The following STYK1 variants were observed in gnomAD, a reference collection of about 807,000 sequenced individuals.
The protein encoded by STYK1 is tyrosine-protein kinase STYK1.
Under a neutral mutation model 48.1 loss-of-function variants are expected in STYK1, and 46 were observed. The ratio of observed to expected loss-of-function variants is 0.96; its 90% CI spans 0.75 to 1.22. The LOEUF (loss-of-function observed/expected upper bound fraction) is 1.22, where lower values mean the gene tolerates loss of function less well. STYK1 is among the 50% of genes most tolerant of loss of function. The probability of loss-of-function intolerance (pLI) is 0.00; values close to 1 mark genes in which losing one functional copy is unlikely to be tolerated. For missense variants in STYK1, 527 were observed against 521.1 expected (o/e 1.01, Z -0.11); for synonymous variants, 188 against 189.0 (o/e 0.99, Z 0.04).
chr12:10,665,681 C>T (rs1947826828), intron 1 of STYK1, among the ~76,000 whole-genome samples: 1 of 152,214 alleles, frequency 6.6e-6, no homozygotes, highest in Non-Finnish European at 1.5e-5. Context: ...CTAGCCTCTG[C>T]CAATCTCTAC....
At chr12:10,638,450 C>T (rs1339528032) in intron 1 of STYK1, among the ~76,000 whole-genome samples, 1 of 152,112 alleles carries the variant, frequency 6.6e-6, no homozygotes, top group Non-Finnish European at 1.5e-5. Context: ...AAAGTCCATG[C>T]TAAATCTTTA....
intron 1 of STYK1, among the ~76,000 whole-genome samples, chr12:10,646,782 T>G (rs1947604481): frequency 6.6e-6 from 1 of 152,202 alleles, no homozygotes; most frequent in African/African-American, 2.4e-5. Flanking sequence ...AGGGTCCCTC[T>G]GCTATGTGCA....
At chr12:10,639,272 C>T (rs1358526411) in intron 1 of STYK1, among the ~76,000 whole-genome samples, 1 of 152,180 alleles carries the variant, frequency 6.6e-6, no homozygotes, top group Non-Finnish European at 1.5e-5. Context: ...TCCTATGAAA[C>T]AAGCTTCCGG....
rs192441661 is a variant in STYK1 at position 10,634,627 on chromosome 12, G to A, written c.-9C>T. The A allele has an allele frequency of 1.2e-6, 2 of 1,613,988 alleles. No individual in the cohort carries two copies. The highest frequency in any genetic ancestry group is 1.7e-6 in the Non-Finnish European group (2 of 1,179,994). ...ATCCGTGTCATGCCCATTGCCACAG[G>A]GCTGTCCCCTTCCCTGCTAGGCCCA... On this transcript the variant is annotated 5_prime_UTR_variant, in exon 3 of 11. Coordinates refer to ENST00000075503, the MANE Select transcript of STYK1 (RefSeq NM_018423.3).
At chr12:10,668,194 T>C (rs1947852643) in intron 1 of STYK1, among the ~76,000 whole-genome samples, 1 of 152,006 alleles carries the variant, frequency 6.6e-6, no homozygotes, top group Non-Finnish European at 1.5e-5. Context: ...TCAAAAGGAA[T>C]AAAAATAATA....
chr12:10,655,537 G>A (rs532975565), intron 1 of STYK1, among the ~76,000 whole-genome samples: 2 of 152,276 alleles, frequency 1.3e-5, no homozygotes, highest in African/African-American at 2.4e-5. Context: ...AGTACTTTCA[G>A]GTTGATATTG....
chr12:10,650,179 G>C (rs1234826402), intron 1 of STYK1, among the ~76,000 whole-genome samples: 1 of 147,638 alleles, frequency 6.8e-6, no homozygotes, highest in Non-Finnish European at 1.5e-5. Context: ...ATTGTTGCTT[G>C]CTAAAGGCAT....
chr12:10,660,363 G>C (rs1180049376), intron 1 of STYK1, among the ~76,000 whole-genome samples: 1 of 152,076 alleles, frequency 6.6e-6, no homozygotes, highest in African/African-American at 2.4e-5. Context: ...CTAATAGTTA[G>C]GTATCAATAT....
At chr12:10,655,647 C>T (rs1338829650) in intron 1 of STYK1, among the ~76,000 whole-genome samples, 2 of 152,142 alleles carry the variant, frequency 1.3e-5, no homozygotes, top group African/African-American at 4.8e-5. Context: ...CTTGTAGACT[C>T]TAAATCTTGT....
chr12:10,625,538 A>G (rs1947349816), intron 7 of STYK1, among the ~76,000 whole-genome samples: 1 of 152,194 alleles, frequency 6.6e-6, no homozygotes, highest in African/African-American at 2.4e-5. Flanking sequence ...TTCTAGCAGT[A>G]GTCCTCAAAA....
At chr12:10,622,586 C>A (rs2120591765) in intron 9 of STYK1, 52 bp downstream of exon 9, 4 of 1,606,830 alleles carry the variant, frequency 2.5e-6, no homozygotes, top group Middle Eastern at 3.3e-4. Flanking sequence ...CTTAAATAAA[C>A]ACGCTTGCAT....
At chr12:10,654,165 C>T (rs1249309712) in intron 1 of STYK1, among the ~76,000 whole-genome samples, 1 of 152,218 alleles carries the variant, frequency 6.6e-6, no homozygotes, top group African/African-American at 2.4e-5. Context: ...ACAGAAACAT[C>T]TGTAAGTTAC....
chr12:10,648,013 G>A (rs114691292), intron 1 of STYK1, among the ~76,000 whole-genome samples: 1,535 of 152,136 alleles, frequency 0.01, 18 homozygotes, highest in African/African-American at 0.035. Flanking sequence ...GCATAAAAAC[G>A]GACTAATACA....
chr12:10,660,887 C>T (rs759117962), intron 1 of STYK1, among the ~76,000 whole-genome samples: 1 of 152,110 alleles, frequency 6.6e-6, no homozygotes, highest in African/African-American at 2.4e-5. Flanking sequence ...AACTCATGAA[C>T]AGTCCACTGC....
intron 1 of STYK1, among the ~76,000 whole-genome samples, chr12:10,651,116 C>T (rs1947658547): frequency 6.6e-6 from 1 of 151,976 alleles, no homozygotes; most frequent in Non-Finnish European, 1.5e-5. Flanking sequence ...TGCAATTCTA[C>T]TGCAGCTAGC....
chr12:10,638,293 T>A (rs1247793799), intron 1 of STYK1, among the ~76,000 whole-genome samples: 3 of 152,222 alleles, frequency 2.0e-5, no homozygotes, highest in Non-Finnish European at 4.4e-5. Flanking sequence ...CTTGTAGTTA[T>A]CATTCCTTAA....
Position 10,619,852 on chromosome 12 carries a change from GCCC to G in STYK1, c.*289_*291del. 2 of 440,162 alleles carry G rather than the reference GCCC, an allele frequency of 4.5e-6. No individual in the cohort carries two copies. The highest frequency in any genetic ancestry group is 8.0e-6 in the Non-Finnish European group (2 of 250,752). The allele number at this position is 440,162 out of a possible 1,614,324, so 27.3% of individuals were successfully genotyped here. ...GGAGGGATGAGCTTATTTGTGCCAT[GCCC>G]CAACAAATACTGCAGAGTTCTAAAA... is the stretch of plus-strand genomic sequence containing the variant. On this transcript the variant is annotated 3_prime_UTR_variant, in exon 11 of 11. Coordinates refer to ENST00000075503, the MANE Select transcript of STYK1 (RefSeq NM_018423.3).
chr12:10,630,905 C>T, intron 5 of STYK1, 140 bp downstream of exon 5: 2 of 1,095,980 alleles, frequency 1.8e-6, no homozygotes, highest in South Asian at 1.8e-5. Flanking sequence ...AAAAACATTT[C>T]TGCCTCAAGT....
At chr12:10,658,669 G>T (rs968066188) in intron 1 of STYK1, among the ~76,000 whole-genome samples, 1 of 152,068 alleles carries the variant, frequency 6.6e-6, no homozygotes, top group Non-Finnish European at 1.5e-5. Context: ...AGACATATTT[G>T]GCTTAATGTG....
Sources: gnomAD v4.1 joint callset for allele counts (sites outside exome capture counted in the v4.1 genomes callset) on GRCh38, gnomAD v4.1.1 for gene constraint, MANE v1.5 for transcripts, NCBI Gene and HGNC (gene_info 2026-07-23, HGNC 2026-07-21) for gene names.